SEPTIN8: variants seen among roughly 807,000 people sequenced by gnomAD.
The protein encoded by SEPTIN8 is septin-8.
In SEPTIN8, 22 loss-of-function variants were observed where a neutral mutation model predicts 53.1. The ratio of observed to expected loss-of-function variants is 0.41; its 90% confidence interval spans 0.30 to 0.59. The LOEUF is 0.59. SEPTIN8 is among the 20% of genes least tolerant of loss of function. SEPTIN8 has a pLI of 0.24. For missense variants in SEPTIN8, 536 were observed against 638.7 expected, an observed-to-expected ratio of 0.84 and a Z score of 1.73; for synonymous variants, 228 against 248.4, an observed-to-expected ratio of 0.92 and a Z score of 0.77.
chr5:132,759,859 G>A (rs1281439619), intron 9 of SEPTIN8, among the ~76,000 whole-genome samples: 1 of 152,128 alleles, frequency 6.6e-6, no homozygotes, highest in African/African-American at 2.4e-5. Flanking sequence ...CAGAAGCCAG[G>A]ACATCTGGAC....
Position 132,776,458 on chromosome 5 carries a change from C to G in SEPTIN8, c.30+650G>C, listed in dbSNP as rs1757802384. Among the ~76,000 whole-genome samples, 1 of 152,266 alleles carries G rather than the reference C, an allele frequency of 6.6e-6. No individual in the cohort carries two copies. The highest frequency in any genetic ancestry group is 2.4e-5 in the African/African-American group (1 of 41,476). ...GGACTGGAGCCCAAATAAACGCCCA[C>G]TGGGCTGAGTCTGGAATCCCTCCAG... is the stretch of plus-strand genomic sequence containing the variant. On this transcript the variant is annotated intron_variant, in intron 1 of 9. Transcript: ENST00000378719. The surrounding 1 kb of genome is among the most constrained non-coding windows in gnomAD (Gnocchi z 4.4).
At chr5:132,757,344 C>T (rs931152380) in intron 9 of SEPTIN8, 13 of 985,310 alleles carry the variant, frequency 1.3e-5, no homozygotes, top group Non-Finnish European at 4.8e-6. Flanking sequence ...GGCCGTGCCT[C>T]GGTGGACACA....
In SEPTIN8 at chr5:132,764,377, AAG is replaced by A; in HGVS notation, c.192_193del (p.Phe65GlnfsTer7). On this transcript the variant is annotated frameshift_variant, in exon 3 of 10. Coordinates refer to ENST00000378719, the MANE Select transcript of SEPTIN8 (RefSeq NM_001098811.2). LOFTEE classifies it high-confidence loss of function. ...TTCCTCAGTCTCGAAGGTCGTGTTG[AAG>A]AGTGTGTTCATCAGTGTGGATTTGC... The A allele has an allele frequency of 6.2e-7, 1 of 1,614,096 alleles. No homozygotes were observed. The highest frequency in any genetic ancestry group is 8.5e-7 in the Non-Finnish European group (1 of 1,179,990).
chr5:132,763,400 G>A (rs1230781488), intron 4 of SEPTIN8, among the ~76,000 whole-genome samples: 1 of 152,224 alleles, frequency 6.6e-6, no homozygotes. Flanking sequence ...GAGGTTCCCT[G>A]GAGCGAAGGG....
Position 132,761,687 on chromosome 5 carries a change from A to AG in SEPTIN8, c.794-62dup. ...ATGCAGGCGGGCACACTCCAGAGTC[A>AG]GGGTAGGCACGCAGGTGGGCATGAG... On this transcript the variant is annotated intron_variant, in intron 6 of 9. Transcript: ENST00000378719. The surrounding 1 kb of genome is among the most constrained non-coding windows in gnomAD (Gnocchi z 5.8). 1 of 1,600,146 alleles carries AG rather than the reference A, an allele frequency of 6.2e-7. No homozygotes were observed. Among genetic ancestry groups the AG allele is most frequent in the Non-Finnish European group, 8.5e-7 (1 of 1,171,926 alleles).
At chr5:132,752,974 C>G (rs769912729) in intron 9 of SEPTIN8, 3 of 1,612,058 alleles carry the variant, frequency 1.9e-6, no homozygotes, top group African/African-American at 1.3e-5. Flanking sequence ...CAACTAGCCC[C>G]TCTGCCTCCA....
chr5:132,752,976 C>T, intron 9 of SEPTIN8: 1 of 1,609,098 alleles, frequency 6.2e-7, no homozygotes, highest in Non-Finnish European at 8.5e-7. Context: ...ACTAGCCCCT[C>T]TGCCTCCACC....
At chr5:132,771,373 C>A (rs1347051531) in intron 1 of SEPTIN8, among the ~76,000 whole-genome samples, 1 of 152,188 alleles carries the variant, frequency 6.6e-6, no homozygotes, top group Non-Finnish European at 1.5e-5. Flanking sequence ...AGAAAGGATA[C>A]CCCACCATAG....
rs879047407 is a variant in SEPTIN8, at chr5:132,751,752, C to CT, written c.*263dup. The CT allele has an allele frequency of 0.036, 19,165 of 537,586 alleles. 4 individuals are homozygous for CT. The highest frequency in any genetic ancestry group is 0.047 in the South Asian group (1,921 of 41,300). The allele number at this position is 537,586 out of a possible 1,614,324, so 33.3% of individuals were successfully genotyped here. A position where few individuals can be genotyped will look rare whatever the true frequency, so the allele number is the denominator to read the frequency against. ...CATAACGATGATGTCACAAAGCAGA[C>CT]TTTTTTTTTTTTTTGGTCCCGGAGT... On this transcript the variant is annotated 3_prime_UTR_variant, in exon 10 of 10. Transcript: ENST00000378719.
chr5:132,770,129 A>G lies in SEPTIN8; in HGVS notation c.31-4600T>C, dbSNP rs1271355186. 1.8e-3 allele frequency among the ~76,000 whole-genome samples: 136 copies of G among 75,426 alleles called. 2 individuals carry two copies. The African/African-American group carries it at 0.028, about 15-fold the overall frequency. The allele number at this position is 75,426 out of a possible 152,430, so 49.5% of individuals were successfully genotyped here. On this transcript the variant is annotated intron_variant, in intron 1 of 9. Coordinates refer to ENST00000378719, the MANE Select transcript of SEPTIN8 (RefSeq NM_001098811.2). ...TATATGTATATATATATATATGTAT[A>G]TATGTGTATGTGTGTGTATATATAT...
At chr5:132,764,020 G>A in intron 3 of SEPTIN8, 128 bp from the exon 4 acceptor site, 1 of 1,066,972 alleles carries the variant, frequency 9.4e-7, no homozygotes. Flanking sequence ...GCTTCTGCCT[G>A]AGATCCCTGA....
intron 1 of SEPTIN8, 102 bp from the exon 2 acceptor site, chr5:132,765,631 C>G: frequency 7.4e-7 from 1 of 1,354,584 alleles, no homozygotes; most frequent in South Asian, 1.4e-5. Flanking sequence ...AGCAGCCCCA[C>G]CCGATGTCTG....
chr5:132,776,457 A>G lies in SEPTIN8; in HGVS notation c.30+651T>C, dbSNP rs1757802149. Among the ~76,000 whole-genome samples the G allele has an allele frequency of 2.0e-5, 3 of 152,182 alleles. No homozygotes were observed. The highest frequency in any genetic ancestry group is 7.2e-5 in the African/African-American group (3 of 41,444). Reference sequence around the variant, plus strand: ...TGGACTGGAGCCCAAATAAACGCCCACTGGGCTGAGTCTGGAATCCCTCCA... The same window carrying G: ...TGGACTGGAGCCCAAATAAACGCCCGCTGGGCTGAGTCTGGAATCCCTCCA... On this transcript the variant is annotated intron_variant, in intron 1 of 9. Transcript: ENST00000378719. The surrounding 1 kb of genome is among the most constrained non-coding windows in gnomAD (Gnocchi z 4.4).
At chr5:132,752,741 T>C (rs1754961183) in intron 9 of SEPTIN8, 1 of 692,302 alleles carries the variant, frequency 1.4e-6, no homozygotes, top group African/African-American at 1.8e-5. Flanking sequence ...GTAGGATTAG[T>C]GGTCCTTAGT....
rs1757849929 is a variant in SEPTIN8 at position 132,776,880 on chromosome 5, GCCCCAGGAAGCGACCCCGACCAGCCGC to G, written c.30+201_30+227del. ...CGCGAAAGGGGTTAGCCTTGCCTGC[GCCCCAGGAAGCGACCCCGACCAGCCGC>G]CCGGCAAGGCAGGCCGCCCGACGCT... On this transcript the variant is annotated intron_variant, in intron 1 of 9. Coordinates refer to ENST00000378719, the MANE Select transcript of SEPTIN8 (RefSeq NM_001098811.2). The surrounding 1 kb of genome is among the most constrained non-coding windows in gnomAD (Gnocchi z 4.4). Among the ~76,000 whole-genome samples the G allele has an allele frequency of 1.3e-5, 2 of 152,090 alleles. No homozygotes were observed. Among genetic ancestry groups the G allele is most frequent in the South Asian group, 4.1e-4 (2 of 4,834 alleles).
At chr5:132,770,504 A>G (rs1310231322) in intron 1 of SEPTIN8, among the ~76,000 whole-genome samples, 1 of 152,066 alleles carries the variant, frequency 6.6e-6, no homozygotes, top group Non-Finnish European at 1.5e-5. Context: ...TTTATGTGAA[A>G]TTCTGTAATT....
chr5:132,776,937 G>C lies in SEPTIN8; in HGVS notation c.30+171C>G, dbSNP rs1374263030. ...CAAGGCAGGCCGCCCGACGCTCCGG[G>C]ACCCCCCGATAGCGCGGCCGAGAGC... is the stretch of plus-strand genomic sequence containing the variant. On this transcript the variant is annotated intron_variant, in intron 1 of 9. Coordinates refer to ENST00000378719, the MANE Select transcript of SEPTIN8 (RefSeq NM_001098811.2). This position sits in a 1 kb window ranked among gnomAD's most constrained non-coding sequence, Gnocchi z 4.4. Among the ~76,000 whole-genome samples, 1 of 152,100 alleles carries C rather than the reference G, an allele frequency of 6.6e-6. No individual in the cohort carries two copies. The highest frequency in any genetic ancestry group is 2.1e-4 in the South Asian group (1 of 4,836).
At chr5:132,765,841 A>G (rs925516787) in intron 1 of SEPTIN8, among the ~76,000 whole-genome samples, 7 of 152,244 alleles carry the variant, frequency 4.6e-5, no homozygotes, top group Non-Finnish European at 1.0e-4. Context: ...TGTGGTTGCT[A>G]CCCATAAGGG....
upstream of SEPTIN8, among the ~76,000 whole-genome samples, chr5:132,778,552 T>A (rs1486108426): frequency 6.6e-6 from 1 of 152,222 alleles, no homozygotes; most frequent in Non-Finnish European, 1.5e-5. Context: ...CTGTTTCCCA[T>A]GCTGTATTAA....
Sources: allele counts gnomAD v4.1 joint callset (sites outside exome capture counted in the v4.1 genomes callset), GRCh38; gene constraint gnomAD v4.1.1; non-coding constraint Gnocchi (gnomAD v3.1); transcripts MANE v1.5; gene names NCBI Gene and HGNC (gene_info 2026-07-23, HGNC 2026-07-21).